Variants in ITPK1 observed in about 807,000 individuals in gnomAD.
ITPK1 encodes inositol 1,3,4-trisphosphate 5/6-kinase.
ITPK1 carries 21 observed loss-of-function variants against 45.3 expected under a neutral mutation model. The ratio of observed to expected loss-of-function variants is 0.46; its 90% CI spans 0.33 to 0.67. ITPK1 has a LOEUF of 0.67. ITPK1 is among the 30% of genes least tolerant of loss of function. The probability of loss-of-function intolerance (pLI) is 0.02; values close to 1 mark genes in which losing one functional copy is unlikely to be tolerated. For synonymous variants in ITPK1, 258 were observed against 253.6 expected (o/e 1.02, Z -0.16); for missense variants, 474 against 573.5 (o/e 0.83, Z 1.77).
At chr14:93,102,227 C>T (rs1292039536) in intron 2 of ITPK1, among the ~76,000 whole-genome samples, 1 of 152,236 alleles carries the variant, frequency 6.6e-6, no homozygotes, top group Admixed American at 6.5e-5. Flanking sequence ...CAGGCTTCCC[C>T]AGAGCAGCGA....
intron 3 of ITPK1, among the ~76,000 whole-genome samples, chr14:93,060,014 C>G (rs1890449872): frequency 6.6e-6 from 1 of 151,658 alleles, no homozygotes; most frequent in African/African-American, 2.4e-5. Context: ...TCCAGGGCTT[C>G]CAGTTGCACT....
intron 2 of ITPK1, among the ~76,000 whole-genome samples, chr14:93,086,814 G>GC (rs1555375066): frequency 6.6e-6 from 1 of 152,168 alleles, no homozygotes; most frequent in Non-Finnish European, 1.5e-5. Flanking sequence ...GTTTCCTGGG[G>GC]CCCCCCAGCC....
chr14:92,998,405 C>G (rs2139818184), intron 4 of ITPK1, among the ~76,000 whole-genome samples: 1 of 152,328 alleles, frequency 6.6e-6, no homozygotes. Flanking sequence ...GCAACACAAC[C>G]TCCCAACCCC....
intron 2 of ITPK1, among the ~76,000 whole-genome samples, chr14:93,082,502 T>C (rs1186874060): frequency 1.3e-5 from 2 of 152,186 alleles, no homozygotes; most frequent in Non-Finnish European, 2.9e-5. Flanking sequence ...CTAGAACTCA[T>C]CCCACACGGG....
chr14:93,000,736 G>C (rs1477530259), intron 4 of ITPK1, among the ~76,000 whole-genome samples: 2 of 152,140 alleles, frequency 1.3e-5, no homozygotes, highest in Non-Finnish European at 2.9e-5. Context: ...CAGCACTTTG[G>C]GAGGCTGAGG....
rs183813090 is a variant in ITPK1 at position 92,982,639 on chromosome 14, C to T, written c.364+11241G>A. Among the ~76,000 whole-genome samples, 12 of 152,310 alleles carry T rather than the reference C, an allele frequency of 7.9e-5. No homozygotes were observed. The East Asian group carries it at 9.6e-4, about 12-fold the overall frequency. On this transcript the variant is annotated intron_variant, in intron 5 of 10. Coordinates refer to ENST00000267615, the MANE Select transcript of ITPK1 (RefSeq NM_014216.6). ...GGGCCAAGAGCCCAACCACACCATGCGGGCTTCTGACCCACCCACCCATGA... is the reference window on the plus strand; with the variant it reads ...GGGCCAAGAGCCCAACCACACCATGTGGGCTTCTGACCCACCCACCCATGA...
At chr14:93,079,925 T>C (rs929497383) in intron 2 of ITPK1, among the ~76,000 whole-genome samples, 4 of 152,248 alleles carry the variant, frequency 2.6e-5, no homozygotes, top group Middle Eastern at 6.8e-3. Flanking sequence ...ACAGACAGGC[T>C]CAAGTGTGCA....
intron 5 of ITPK1, among the ~76,000 whole-genome samples, chr14:92,971,606 A>T (rs1595098662): frequency 6.6e-6 from 1 of 152,234 alleles, no homozygotes; most frequent in South Asian, 2.1e-4. Flanking sequence ...GAACAGGGGC[A>T]CCCAGCACTG....
At chr14:93,101,173 G>A (rs1004895650) in intron 2 of ITPK1, among the ~76,000 whole-genome samples, 6 of 152,210 alleles carry the variant, frequency 3.9e-5, no homozygotes, top group Non-Finnish European at 8.8e-5. Flanking sequence ...GAGGTTCCCT[G>A]GAGGCCACAG....
rs755761921 is a variant in ITPK1, at chr14:92,941,575, C to T, written c.1231G>A (p.Ala411Thr). 1.3e-6 allele frequency: 2 copies of T among 1,536,102 alleles called. No homozygotes were observed. Among genetic ancestry groups the T allele is most frequent in the Admixed American group, 2.1e-5 (1 of 48,608 alleles). ...QHCVASLATKASSQ is the reference protein window; with the variant it reads ...QHCVASLATKTSSQ ...CGGCTCCGTGGCTACTGGGAGGAGG[C>T]CTTGGTGGCCAGGGAGGCCACACAA... The change falls in exon 11 of 11, where the codon GCC (alanine) becomes ACC (threonine). Residue 411 changes from alanine to threonine, a missense_variant. Coordinates refer to ENST00000267615, the MANE Select transcript of ITPK1 (RefSeq NM_014216.6).
intron 5 of ITPK1, among the ~76,000 whole-genome samples, chr14:92,964,591 A>G (rs1595092526): frequency 1.3e-5 from 2 of 152,358 alleles, no homozygotes; most frequent in East Asian, 3.9e-4. Flanking sequence ...TATGGTGCTC[A>G]GGCCTGAATT....
intron 7 of ITPK1, among the ~76,000 whole-genome samples, chr14:92,960,607 C>T (rs1007495606): frequency 6.6e-6 from 1 of 152,386 alleles, no homozygotes; most frequent in South Asian, 2.1e-4. Context: ...GCAGAAGTGG[C>T]TCCCTCCTCC....
intron 8 of ITPK1, among the ~76,000 whole-genome samples, chr14:92,956,422 C>T (rs761777754): frequency 7.9e-5 from 12 of 152,050 alleles, no homozygotes; most frequent in South Asian, 4.1e-4. Flanking sequence ...TGAGCCACCA[C>T]GTCTGGTCTC....
chr14:92,950,672 C>T (rs952053987), intron 9 of ITPK1, among the ~76,000 whole-genome samples: 2 of 150,000 alleles, frequency 1.3e-5, no homozygotes, highest in Non-Finnish European at 2.9e-5. Flanking sequence ...GGCCTTGCCC[C>T]TGAGAGGACA....
intron 5 of ITPK1, among the ~76,000 whole-genome samples, chr14:92,980,098 G>A (rs1290196769): frequency 6.6e-6 from 1 of 152,162 alleles, no homozygotes; most frequent in Admixed American, 6.5e-5. Flanking sequence ...GTTATTTATA[G>A]CAGTGTGATA....
At chr14:92,956,567 G>A (rs950024198) in intron 8 of ITPK1, among the ~76,000 whole-genome samples, 3 of 152,136 alleles carry the variant, frequency 2.0e-5, no homozygotes, top group East Asian at 1.9e-4. Flanking sequence ...GCGTCGAGAC[G>A]GAAACTGGCC....
At chr14:93,009,138 C>T (rs1171821664) in intron 4 of ITPK1, among the ~76,000 whole-genome samples, 1 of 152,192 alleles carries the variant, frequency 6.6e-6, no homozygotes, top group Non-Finnish European at 1.5e-5. Context: ...CAACTAAGCA[C>T]CCTGTATTGC....
intron 2 of ITPK1, among the ~76,000 whole-genome samples, chr14:93,090,734 T>C (rs1023269302): frequency 6.6e-6 from 1 of 152,238 alleles, no homozygotes; most frequent in Non-Finnish European, 1.5e-5. Context: ...ACTATTCCTG[T>C]GCCAGTTTGG....
intron 2 of ITPK1, among the ~76,000 whole-genome samples, chr14:93,097,631 T>C (rs1302508263): frequency 6.6e-6 from 1 of 152,220 alleles, no homozygotes; most frequent in Admixed American, 6.5e-5. Context: ...AACTTTTACC[T>C]ACACGTAACG....
Sources: gnomAD v4.1 joint callset for allele counts (sites outside exome capture counted in the v4.1 genomes callset) on GRCh38, gnomAD v4.1.1 for gene constraint, MANE v1.5 for transcripts, NCBI Gene and HGNC (gene_info 2026-07-23, HGNC 2026-07-21) for gene names.